Variants in NRXN3 observed in about 807,000 individuals in gnomAD.
NRXN3 encodes the protein neurexin 3.
NRXN3 carries 32 observed loss-of-function variants against 137.6 expected under a neutral mutation model. The observed-to-expected ratio is 0.23, with a 90% CI of 0.18 to 0.31. The LOEUF (loss-of-function observed/expected upper bound fraction) is 0.31. Ranked by LOEUF, NRXN3 falls within the 10% of genes least tolerant of loss-of-function variation. The pLI, the probability that NRXN3 is intolerant of heterozygous loss-of-function variation, is 1.00. For missense variants in NRXN3, 1,574 were observed against 2,062.5 expected (o/e 0.76, Z 4.59); for synonymous variants, 798 against 784.5 (o/e 1.02, Z -0.29).
At chr14:79,341,874 G>A (rs1204239542) in intron 15 of NRXN3, among the ~76,000 whole-genome samples, 1 of 152,106 alleles carries the variant, frequency 6.6e-6, no homozygotes, top group African/African-American at 2.4e-5. Context: ...AGCAAAAAGG[G>A]CAATGCCGTG....
At chr14:79,845,208 A>G (rs1343109023) in intron 20 of NRXN3, among the ~76,000 whole-genome samples, 1 of 152,236 alleles carries the variant, frequency 6.6e-6, no homozygotes, top group East Asian at 1.9e-4. Flanking sequence ...TGATCTATCT[A>G]GACCACTAAA....
At chr14:78,585,611 C>A (rs2097054657) in intron 4 of NRXN3, among the ~76,000 whole-genome samples, 1 of 151,994 alleles carries the variant, frequency 6.6e-6, no homozygotes, top group Non-Finnish European at 1.5e-5. Context: ...CTGGGCATAT[C>A]TTGAAGCTAT....
chr14:79,441,451 C>G (rs993096355), intron 15 of NRXN3, among the ~76,000 whole-genome samples: 5 of 125,990 alleles, frequency 4.0e-5, no homozygotes, highest in African/African-American at 1.5e-4. Context: ...GCGATCTTGG[C>G]TCACTGCAAG....
intron 4 of NRXN3, among the ~76,000 whole-genome samples, chr14:78,450,846 C>T (rs2094534438): frequency 1.3e-5 from 2 of 152,158 alleles, no homozygotes; most frequent in Non-Finnish European, 1.5e-5. Context: ...CTGTAAATAA[C>T]TTTCCTCTCA....
intron 15 of NRXN3, among the ~76,000 whole-genome samples, chr14:79,365,588 G>A (rs1161155053): frequency 4.6e-5 from 7 of 150,758 alleles, no homozygotes; most frequent in South Asian, 2.1e-4. Context: ...GCGCGGTGGC[G>A]GGCGCCTGTA....
chr14:79,118,621 T>C (rs935989192), intron 15 of NRXN3, among the ~76,000 whole-genome samples: 10 of 152,244 alleles, frequency 6.6e-5, no homozygotes, highest in Non-Finnish European at 1.3e-4. Context: ...CATATACCTT[T>C]ATTGTTATAA....
At chr14:79,137,534 GAGT>G (rs2058369146) in intron 15 of NRXN3, among the ~76,000 whole-genome samples, 1 of 152,140 alleles carries the variant, frequency 6.6e-6, no homozygotes, top group African/African-American at 2.4e-5. Flanking sequence ...TGTAAAGAGT[GAGT>G]AATAAAATAA....
intron 16 of NRXN3, among the ~76,000 whole-genome samples, chr14:79,555,545 T>C (rs1340611741): frequency 6.6e-6 from 1 of 152,088 alleles, no homozygotes; most frequent in African/African-American, 2.4e-5. Context: ...ATAATAGGAA[T>C]ATATACACTT....
intron 4 of NRXN3, among the ~76,000 whole-genome samples, chr14:78,374,550 A>T (rs1194164065): frequency 6.6e-6 from 1 of 152,140 alleles, no homozygotes; most frequent in African/African-American, 2.4e-5. Flanking sequence ...AGGCAGGTGG[A>T]TCACTTGAGG....
At chr14:78,655,685 A>G in intron 6 of NRXN3, among the ~76,000 whole-genome samples, 1 of 152,346 alleles carries the variant, frequency 6.6e-6, no homozygotes, top group Middle Eastern at 3.4e-3. Flanking sequence ...TGTCTGGAAT[A>G]AATAAATAAA....
In NRXN3 at chr14:78,608,006, T is replaced by G. The variant is rs1163118287; in HGVS notation, c.758-37114T>G. ...GTAAGTGATGTGAGAAAATTCTAAG[T>G]TTTCCAGTTTAAAAATGGAGACAGG... On this transcript the variant is annotated intron_variant, in intron 4 of 20. Coordinates refer to ENST00000335750, the MANE Select transcript of NRXN3 (RefSeq NM_001330195.2). Among the ~76,000 whole-genome samples the G allele has an allele frequency of 2.0e-5, 3 of 152,168 alleles. No individual in the cohort carries two copies. In the South Asian group the frequency reaches 6.2e-4, roughly 32 times the overall value.
intron 2 of NRXN3, among the ~76,000 whole-genome samples, chr14:78,255,925 G>A (rs2069504292): frequency 6.6e-6 from 1 of 152,158 alleles, no homozygotes; most frequent in African/African-American, 2.4e-5. Flanking sequence ...AATGAAGTCA[G>A]GTCCAATCGG....
intron 16 of NRXN3, among the ~76,000 whole-genome samples, chr14:79,549,740 C>G (rs113537588): frequency 1.3e-5 from 2 of 152,074 alleles, no homozygotes; most frequent in Admixed American, 1.3e-4. Flanking sequence ...AAAATGCAGA[C>G]TCATTACTAA....
At chr14:78,370,739 G>A (rs2086683218) in intron 4 of NRXN3, among the ~76,000 whole-genome samples, 1 of 152,176 alleles carries the variant, frequency 6.6e-6, no homozygotes, top group African/African-American at 2.4e-5. Flanking sequence ...GAAGAGGAAG[G>A]TAATGGGAAG....
chr14:78,463,025 A>G (rs892254032), intron 4 of NRXN3, among the ~76,000 whole-genome samples: 1 of 152,048 alleles, frequency 6.6e-6, no homozygotes, highest in African/African-American at 2.4e-5. Context: ...TGGAGTCTCT[A>G]ATGTCTTTAT....
chr14:79,858,736 C>CCT (rs1381365209), intron 20 of NRXN3, among the ~76,000 whole-genome samples: 1 of 152,060 alleles, frequency 6.6e-6, no homozygotes, highest in Non-Finnish European at 1.5e-5. Flanking sequence ...GCCTTCACTT[C>CCT]CTCTCTCTCA....
intron 4 of NRXN3, among the ~76,000 whole-genome samples, chr14:78,572,614 C>G (rs948707116): frequency 6.6e-6 from 1 of 152,152 alleles, no homozygotes; most frequent in Non-Finnish European, 1.5e-5. Flanking sequence ...TGTCTTAGGC[C>G]ACACATATAA....
At chr14:79,542,111 A>G (rs570741628) in intron 16 of NRXN3, among the ~76,000 whole-genome samples, 2 of 152,266 alleles carry the variant, frequency 1.3e-5, no homozygotes, top group African/African-American at 4.8e-5. Flanking sequence ...CTGTGCATTG[A>G]TTAAATTAAG....
At chr14:79,391,617 T>G (rs1316541458) in intron 15 of NRXN3, among the ~76,000 whole-genome samples, 1 of 152,208 alleles carries the variant, frequency 6.6e-6, no homozygotes, top group Non-Finnish European at 1.5e-5. Context: ...AAGGGTGAGC[T>G]GTATCAAAAC....
Sources: gnomAD v4.1 joint callset for allele counts (sites outside exome capture counted in the v4.1 genomes callset) on GRCh38, gnomAD v4.1.1 for gene constraint, MANE v1.5 for transcripts, NCBI Gene and HGNC (gene_info 2026-07-23, HGNC 2026-07-21) for gene names.